The following RANBP3L variants were observed in gnomAD, a reference collection of about 807,000 sequenced individuals.
The protein encoded by RANBP3L is ran-binding protein 3-like.
In RANBP3L, 56 loss-of-function variants were observed where a neutral mutation model predicts 67.2. The ratio of observed to expected loss-of-function variants is 0.83; its 90% CI spans 0.67 to 1.04. The LOEUF (loss-of-function observed/expected upper bound fraction) is 1.04. Ranked by LOEUF, RANBP3L falls within the 50% of genes least tolerant of loss-of-function variation. RANBP3L has a pLI of 0.00. For missense variants in RANBP3L, 496 were observed against 535.5 expected (o/e 0.93, Z 0.73); for synonymous variants, 164 against 181.4 (o/e 0.90, Z 0.77).
intron 3 of RANBP3L, 69 bp downstream of exon 3, chr5:36,269,882 A>G: frequency 3.0e-6 from 4 of 1,311,508 alleles, no homozygotes. Flanking sequence ...GCCACATGCC[A>G]AAATACTTGT....
At chr5:36,273,746 T>C (rs1750386610) in intron 1 of RANBP3L, among the ~76,000 whole-genome samples, 1 of 152,236 alleles carries the variant, frequency 6.6e-6, no homozygotes, top group Non-Finnish European at 1.5e-5. Flanking sequence ...TGTAGCCTTT[T>C]TTCCTTTCTA....
Position 36,255,567 on chromosome 5 carries a change from G to T in RANBP3L, c.927C>A (p.Phe309Leu). ...CAATCCAGGATTGTGTTGTTTTGTT[G>T]AATATGAAAAGCTTGCAGTTTATCT... is the stretch of plus-strand genomic sequence containing the variant. ...VLKINCKLFIFNKTTQSWIER... is the reference protein window; with the variant it reads ...VLKINCKLFILNKTTQSWIER... Residue 309 changes from phenylalanine (F) to leucine (L), a missense_variant, in exon 11 of 14, where the codon TTC becomes TTA. By Grantham distance (22) the Phe-to-Leu change is conservative. Transcript: ENST00000296604. 1 of 1,608,304 alleles carries T rather than the reference G, an allele frequency of 6.2e-7. No individual in the cohort carries two copies. The highest frequency in any genetic ancestry group is 1.1e-5 in the South Asian group (1 of 90,192).
intron 1 of RANBP3L, among the ~76,000 whole-genome samples, chr5:36,275,363 T>G (rs1043761238): frequency 6.6e-6 from 1 of 152,226 alleles, no homozygotes; most frequent in Non-Finnish European, 1.5e-5. Flanking sequence ...ACGCCTTTAA[T>G]TAAATCTAGG....
At chr5:36,261,024 T>C (rs1421070554) in intron 7 of RANBP3L, among the ~76,000 whole-genome samples, 160 bp from the exon 8 acceptor site, 1 of 152,224 alleles carries the variant, frequency 6.6e-6, no homozygotes, top group East Asian at 1.9e-4. Flanking sequence ...ATTCAGATAG[T>C]GGCATCCAGA....
intron 4 of RANBP3L, among the ~76,000 whole-genome samples, chr5:36,267,148 C>G (rs1474904542): frequency 2.0e-5 from 3 of 152,154 alleles, no homozygotes; most frequent in African/African-American, 4.8e-5. Context: ...CTGAAAGTTA[C>G]TTGATATACT....
Position 36,264,995 on chromosome 5 carries a change from C to T in RANBP3L, c.444G>A (p.Leu148=), listed in dbSNP as rs142676189. ...TTTTTTCTTTAGTCTTGCAAGATTC[C>T]AGTGCCTTGTGTCCAAATGTTTTTC... The part of the protein sequence containing the change: ...KVRKTFGHKA[L]ESCKTKEKTN... The change falls in exon 6 of 14, where the codon CTG becomes CTA. Residue 148 remains leucine, a synonymous_variant. Coordinates refer to ENST00000296604, the MANE Select transcript of RANBP3L (RefSeq NM_145000.5). 1,058 of 1,613,710 alleles carry T rather than the reference C, an allele frequency of 6.6e-4. 8 individuals are homozygous for T. The African/African-American group carries it at 0.012, about 19-fold the overall frequency.
intron 4 of RANBP3L, among the ~76,000 whole-genome samples, chr5:36,265,910 G>A (rs1047729961): frequency 1.3e-5 from 2 of 150,870 alleles, no homozygotes; most frequent in African/African-American, 4.9e-5. Flanking sequence ...CCAGGAGGTG[G>A]AGGTTGCAGT....
chr5:36,268,968 CA>C (rs1226658593), intron 4 of RANBP3L, among the ~76,000 whole-genome samples: 3 of 152,094 alleles, frequency 2.0e-5, no homozygotes, highest in Non-Finnish European at 4.4e-5. Flanking sequence ...CCTTGGCCTC[CA>C]AAAGTGCTGG....
chr5:36,251,384 G>A lies in RANBP3L; in HGVS notation c.1283C>T (p.Ala428Val), dbSNP rs761721546. 1 of 1,613,282 alleles carries A rather than the reference G, an allele frequency of 6.2e-7. No homozygotes were observed. Among genetic ancestry groups the A allele is most frequent in the East Asian group, 2.2e-5 (1 of 44,850 alleles). The change falls in exon 13 of 14, where the codon GCC becomes GTC. Residue 428 changes from alanine (A) to valine (V), a missense_variant. Physicochemically the swap from Ala to Val is moderately conservative, Grantham distance 64. Coordinates refer to ENST00000296604, the MANE Select transcript of RANBP3L (RefSeq NM_145000.5). ...VNQAESLSET[A>V]QQLNCESCDE... Reference sequence around the variant, plus strand: ...ACAGCTTTCGCAGTTCAATTGTTGGGCTGTTTCTGACAGGCTTTCAGCTTG... The same window carrying A: ...ACAGCTTTCGCAGTTCAATTGTTGGACTGTTTCTGACAGGCTTTCAGCTTG...
chr5:36,266,849 T>C (rs1369284684), intron 4 of RANBP3L, among the ~76,000 whole-genome samples: 1 of 152,046 alleles, frequency 6.6e-6, no homozygotes, highest in Admixed American at 6.6e-5. Context: ...CTCTGCCTCC[T>C]GGGTTCAAGC....
chr5:36,271,438 A>G, intron 1 of RANBP3L, 127 bp from the exon 2 acceptor site: 2 of 635,962 alleles, frequency 3.1e-6, no homozygotes, highest in South Asian at 3.9e-5. Context: ...AAGCCAAGCT[A>G]TTTTACATGA....
Position 36,253,761 on chromosome 5 carries a change from C to T in RANBP3L, c.1053G>A (p.Leu351=). ...LIMRNQGSLR[L]ILNSKLWAQM... ...GGGCCCAGAGTTTGCTGTTGAGGAT[C>T]AGCCTTAGACTGCCTTGATTGCGCA... The change falls in exon 12 of 14, where the codon CTG becomes CTA. Residue 351 remains leucine (L), a synonymous_variant. Coordinates refer to ENST00000296604, the MANE Select transcript of RANBP3L (RefSeq NM_145000.5). 1 of 1,613,068 alleles carries T rather than the reference C, an allele frequency of 6.2e-7. No individual in the cohort carries two copies. The highest frequency in any genetic ancestry group is 8.5e-7 in the Non-Finnish European group (1 of 1,179,252).
chr5:36,294,677 T>A lies in RANBP3L; in HGVS notation c.91+6649A>T, dbSNP rs113872500. Reference sequence around the variant, plus strand: ...ATTTAACTTAATGTCCTCAGGTTCATCCATGTTTTAGCATGTGTCAGAATT... The same window carrying A: ...ATTTAACTTAATGTCCTCAGGTTCAACCATGTTTTAGCATGTGTCAGAATT... On this transcript the variant is annotated intron_variant, in intron 1 of 13. Transcript: ENST00000296604. Among the ~76,000 whole-genome samples the A allele has an allele frequency of 5.8e-3, 873 of 151,718 alleles. 6 individuals carry two copies. Among genetic ancestry groups the A allele is most frequent in the Middle Eastern group, 0.024 (7 of 292 alleles).
Position 36,269,971 on chromosome 5 carries a change from A to G in RANBP3L, c.170T>C (p.Leu57Pro). ...QTFKRPAEDT[L>P]YEAAEPECNG... ...ATTACCTGGTTCTGCTGCTTCATAC[A>G]GGGTGTCTTCTGCAGGTCTCTGAAA... The change falls in exon 3 of 14, where the codon CTG (leucine) becomes CCG (proline). Residue 57 changes from leucine (L) to proline (P), a missense_variant. By Grantham distance (98) the Leu-to-Pro change is moderately conservative (BLOSUM62 -3). Transcript: ENST00000296604. 1.2e-6 allele frequency: 2 copies of G among 1,613,740 alleles called. No homozygotes were observed. Among genetic ancestry groups the G allele is most frequent in the African/African-American group, 1.3e-5 (1 of 75,058 alleles).
At chr5:36,295,467 AGGCCTCCCCAGCCCT>A (rs1482498492) in intron 1 of RANBP3L, among the ~76,000 whole-genome samples, 1 of 152,034 alleles carries the variant, frequency 6.6e-6, no homozygotes, top group Admixed American at 6.6e-5. Flanking sequence ...AAGTTTCCTA[AGGCCTCCCCAGCCCT>A]GTGGAACTGT....
intron 4 of RANBP3L, among the ~76,000 whole-genome samples, chr5:36,267,611 G>A: frequency 6.6e-6 from 1 of 152,110 alleles, no homozygotes; most frequent in East Asian, 1.9e-4. Context: ...CTTTCTTAGT[G>A]GCAAACTTAA....
intron 4 of RANBP3L, among the ~76,000 whole-genome samples, chr5:36,268,808 A>G (rs1235019341): frequency 2.0e-5 from 3 of 151,788 alleles, no homozygotes; most frequent in African/African-American, 7.3e-5. Flanking sequence ...TCCCAGGTTC[A>G]AGAGATTCTC....
intron 12 of RANBP3L, among the ~76,000 whole-genome samples, chr5:36,252,274 G>A (rs182140712): frequency 5.9e-4 from 89 of 152,036 alleles, no homozygotes; most frequent in African/African-American, 1.9e-3. Context: ...TTTATCATTC[G>A]CATTAGTGGG....
chr5:36,254,502 G>A (rs1470046005), intron 11 of RANBP3L, among the ~76,000 whole-genome samples: 1 of 151,722 alleles, frequency 6.6e-6, no homozygotes, highest in Non-Finnish European at 1.5e-5. Context: ...GTTTTTCTTT[G>A]GGGGTATTTT....
Sources: gnomAD v4.1 joint callset for allele counts (sites outside exome capture counted in the v4.1 genomes callset) on GRCh38, gnomAD v4.1.1 for gene constraint, MANE v1.5 for transcripts, NCBI Gene and HGNC (gene_info 2026-07-23, HGNC 2026-07-21) for gene names.